RPA3: variants seen among roughly 807,000 people sequenced by gnomAD.
The protein encoded by RPA3 is replication protein A 14 kDa subunit.
A neutral mutation model predicts 13.7 loss-of-function variants in RPA3; 24 were observed. That is an observed-to-expected ratio of 1.75 (90% CI 1.27 to 2.46). The LOEUF is 2.46. Among genes scored for constraint, RPA3 ranks in the 30% most tolerant of loss-of-function variants. The pLI, the probability that RPA3 is intolerant of heterozygous loss-of-function variation, is 0.00. For missense variants in RPA3, 183 were observed against 151.0 expected (o/e 1.21, Z -1.11); for synonymous variants, 59 against 51.2 (o/e 1.15, Z -0.65).
intron 4 of RPA3, among the ~76,000 whole-genome samples, chr7:7,663,948 A>C (rs1012997): frequency 0.84 from 127,106 of 152,134 alleles, 53,275 homozygotes; most frequent in Non-Finnish European, 0.88. Context: ...ATTCTAAAGT[A>C]TTAAACAATT....
chr7:7,703,705 C>G (rs147824219), intron 2 of RPA3, among the ~76,000 whole-genome samples: 1 of 152,114 alleles, frequency 6.6e-6, no homozygotes, highest in Non-Finnish European at 1.5e-5. Context: ...TTTGGGAAGC[C>G]GAGACTGGCA....
At chr7:7,705,674 T>A (rs1164055578) in intron 2 of RPA3, among the ~76,000 whole-genome samples, 1 of 152,208 alleles carries the variant, frequency 6.6e-6, no homozygotes, top group Non-Finnish European at 1.5e-5. Context: ...TTTTTAGGAT[T>A]TTTAGGGTAG....
At chr7:7,673,287 T>C in intron 4 of RPA3, 1 of 1,146,044 alleles carries the variant, frequency 8.7e-7, no homozygotes, top group Non-Finnish European at 1.3e-6. Flanking sequence ...GAATTTGACA[T>C]TGTGTAATGT....
intron 4 of RPA3, among the ~76,000 whole-genome samples, chr7:7,667,985 T>G (rs1779512617): frequency 6.6e-6 from 1 of 152,170 alleles, no homozygotes; most frequent in African/African-American, 2.4e-5. Flanking sequence ...TGCAGTGCAG[T>G]GGCTCACTTT....
At chr7:7,677,075 T>C (rs1314401816) in intron 4 of RPA3, among the ~76,000 whole-genome samples, 1 of 152,184 alleles carries the variant, frequency 6.6e-6, no homozygotes, top group Non-Finnish European at 1.5e-5. Flanking sequence ...GACACATACT[T>C]GCACACATCT....
chr7:7,711,584 C>G (rs1780765125), intron 2 of RPA3, among the ~76,000 whole-genome samples: 1 of 151,996 alleles, frequency 6.6e-6, no homozygotes, highest in Non-Finnish European at 1.5e-5. Context: ...TTTTAATTTA[C>G]ATTTTCTTGT....
intron 4 of RPA3, among the ~76,000 whole-genome samples, chr7:7,650,374 T>C (rs1177047032): frequency 2.6e-5 from 4 of 152,246 alleles, no homozygotes; most frequent in Admixed American, 6.5e-5. Flanking sequence ...ATAGTTTTAT[T>C]ATCTTTCTGT....
intron 2 of RPA3, among the ~76,000 whole-genome samples, chr7:7,710,604 G>A (rs1780730972): frequency 6.6e-6 from 1 of 152,146 alleles, no homozygotes; most frequent in African/African-American, 2.4e-5. Context: ...TTGATGATAG[G>A]AATGTAAAAT....
chr7:7,705,692 A>G (rs1488050753), intron 2 of RPA3, among the ~76,000 whole-genome samples: 2 of 152,098 alleles, frequency 1.3e-5, no homozygotes, highest in Non-Finnish European at 2.9e-5. Flanking sequence ...TAGTGAAACT[A>G]CTCTTATGTT....
intron 4 of RPA3, among the ~76,000 whole-genome samples, chr7:7,652,776 T>C (rs2115551744): frequency 6.6e-6 from 1 of 152,314 alleles, no homozygotes; most frequent in African/African-American, 2.4e-5. Context: ...TAAAAGAAGT[T>C]TGTTCTTCAA....
At chr7:7,645,150 TTTCTA>T (rs551200152) in intron 4 of RPA3, among the ~76,000 whole-genome samples, 33 of 152,310 alleles carry the variant, frequency 2.2e-4, no homozygotes, top group African/African-American at 7.2e-4. Context: ...TTTTTGGAAT[TTTCTA>T]TTCATATTTG....
At chr7:7,694,120 T>C (rs1780247260) in intron 2 of RPA3, among the ~76,000 whole-genome samples, 1 of 152,204 alleles carries the variant, frequency 6.6e-6, no homozygotes, top group Non-Finnish European at 1.5e-5. Flanking sequence ...GTTGGAAATT[T>C]GTCTGTGTGA....
At chr7:7,712,568 C>T (rs1459058591) in intron 2 of RPA3, among the ~76,000 whole-genome samples, 1 of 152,098 alleles carries the variant, frequency 6.6e-6, no homozygotes, top group Non-Finnish European at 1.5e-5. Context: ...ATTTACTTCC[C>T]ATAATTCATC....
intron 1 of RPA3, among the ~76,000 whole-genome samples, chr7:7,716,442 G>T (rs538256681): frequency 6.6e-6 from 1 of 152,348 alleles, no homozygotes; most frequent in Admixed American, 6.5e-5. Flanking sequence ...CAGCCTGAAA[G>T]ATCGAGCTGC....
chr7:7,671,119 T>A (rs1779594962), intron 4 of RPA3, among the ~76,000 whole-genome samples: 2 of 152,222 alleles, frequency 1.3e-5, no homozygotes, highest in South Asian at 4.1e-4. Context: ...ATAATCATAT[T>A]ACTCTTTGAA....
chr7:7,661,916 T>C (rs973865836), intron 4 of RPA3, among the ~76,000 whole-genome samples: 9 of 152,136 alleles, frequency 5.9e-5, no homozygotes, highest in Non-Finnish European at 1.3e-4. Context: ...CAGCTGCCCC[T>C]TCCCCCGAGG....
At chr7:7,647,286 G>C (rs992809153) in intron 4 of RPA3, among the ~76,000 whole-genome samples, 1 of 152,126 alleles carries the variant, frequency 6.6e-6, no homozygotes, top group Admixed American at 6.5e-5. Context: ...TTTTATTAAA[G>C]TTATTTTGAT....
chr7:7,684,846 G>C (rs540856701), intron 4 of RPA3, among the ~76,000 whole-genome samples: 19 of 152,254 alleles, frequency 1.2e-4, no homozygotes, highest in South Asian at 4.1e-4. Context: ...CAACTATTTG[G>C]GGGTAGTTGA....
chr7:7,681,231 A>AT (rs1779904735), intron 4 of RPA3, among the ~76,000 whole-genome samples: 3 of 152,020 alleles, frequency 2.0e-5, no homozygotes, highest in South Asian at 2.1e-4. Context: ...TAAATTATCT[A>AT]TTTTTTTCCA....
Sources: allele counts gnomAD v4.1 joint callset (sites outside exome capture counted in the v4.1 genomes callset), GRCh38; gene constraint gnomAD v4.1.1; transcripts MANE v1.5; gene names NCBI Gene and HGNC (gene_info 2026-07-23, HGNC 2026-07-21).